The following PCDHGB5 variants were observed in gnomAD, a reference collection of about 807,000 sequenced individuals.
PCDHGB5 encodes the protein protocadherin gamma subfamily B, 5, also known as protocadherin gamma-B5.
A neutral mutation model predicts 62.9 loss-of-function variants in PCDHGB5; 48 were observed. The observed-to-expected ratio is 0.76, with a 90% CI of 0.61 to 0.97. PCDHGB5 has a LOEUF of 0.97. Ranked by LOEUF, PCDHGB5 falls within the 50% of genes least tolerant of loss-of-function variation. PCDHGB5 has a pLI of 0.00. For missense variants in PCDHGB5, 1,118 were observed against 1,198.6 expected, an observed-to-expected ratio of 0.93 and a Z score of 0.99; for synonymous variants, 474 against 511.2, an observed-to-expected ratio of 0.93 and a Z score of 0.98.
chr5:141,491,454 C>G lies in PCDHGB5; in HGVS notation c.2398-3353C>G. ...GCTGCAGGCGCCAGGACTCACCCTCCCCGGACTTCTATAAGCAGTCCAGCC... is the reference window on the plus strand; with the variant it reads ...GCTGCAGGCGCCAGGACTCACCCTCGCCGGACTTCTATAAGCAGTCCAGCC... On this transcript the variant is annotated intron_variant, in intron 1 of 3. Coordinates refer to ENST00000617380, the MANE Select transcript of PCDHGB5 (RefSeq NM_018925.3). This position sits in a 1 kb window ranked among gnomAD's most constrained non-coding sequence, Gnocchi z 6.9. The G allele has an allele frequency of 6.2e-7, 1 of 1,614,120 alleles. No individual in the cohort carries two copies. Among genetic ancestry groups the G allele is most frequent in the Non-Finnish European group, 8.5e-7 (1 of 1,180,032 alleles).
intron 1 of PCDHGB5, among the ~76,000 whole-genome samples, chr5:141,425,058 G>A (rs938128250): frequency 1.3e-5 from 2 of 151,986 alleles, no homozygotes; most frequent in African/African-American, 2.4e-5. Context: ...TCTAGGGCTC[G>A]GACAAAAATA....
rs61612330 is a variant in PCDHGB5, at chr5:141,454,796, A to ATTTTTTTTTTTTTTTTTTTTTTT, written c.2398-40004_2398-39982dup. Among the ~76,000 whole-genome samples, 6 of 77,456 alleles carry ATTTTTTTTTTTTTTTTTTTTTTT rather than the reference A, an allele frequency of 7.7e-5. 1 individual carries two copies. The highest frequency in any genetic ancestry group is 8.0e-4 in the East Asian group (2 of 2,512). 50.8% of individuals were successfully genotyped at this position (77,456 alleles called of 152,430 possible). Reference sequence around the variant, plus strand: ...AAGGAAATAATCCTCCATGGTTCTAATTTTTTTTTTTTTTTTTTTTTTTTT... The same window carrying ATTTTTTTTTTTTTTTTTTTTTTT: ...AAGGAAATAATCCTCCATGGTTCTAATTTTTTTTTTTTTTTTTTTTTTTTTTTTTTTTTTTTTTTTTTTTTTTT... On this transcript the variant is annotated intron_variant, in intron 1 of 3. Transcript: ENST00000617380.
intron 1 of PCDHGB5, chr5:141,413,677 G>T (rs539552615): frequency 6.2e-7 from 1 of 1,613,794 alleles, no homozygotes; most frequent in East Asian, 2.2e-5. Flanking sequence ...GGATGTGGGC[G>T]TGAACTCCCT....
At chr5:141,430,379 T>C (rs1174248880) in intron 1 of PCDHGB5, among the ~76,000 whole-genome samples, 1 of 149,570 alleles carries the variant, frequency 6.7e-6, no homozygotes, top group Non-Finnish European at 1.5e-5. Flanking sequence ...AAAAAGCTCA[T>C]TGGGAAAAAA....
intron 1 of PCDHGB5, chr5:141,404,856 G>C (rs1405688914): frequency 6.2e-7 from 1 of 1,613,890 alleles, no homozygotes; most frequent in Admixed American, 1.7e-5. Flanking sequence ...CTGCTAGATA[G>C]AGATGCGCTC....
intron 1 of PCDHGB5, chr5:141,409,039 C>G: frequency 1.9e-6 from 3 of 1,614,004 alleles, no homozygotes; most frequent in Non-Finnish European, 1.7e-6. Flanking sequence ...AGATAAACTA[C>G]TACTTCCGAA....
At chr5:141,461,740 G>A (rs770518286) in intron 1 of PCDHGB5, among the ~76,000 whole-genome samples, 4 of 152,072 alleles carry the variant, frequency 2.6e-5, no homozygotes, top group Non-Finnish European at 2.9e-5. Context: ...GCACAATCCC[G>A]GCTCCCAGAT....
intron 1 of PCDHGB5, chr5:141,402,791 C>A: frequency 1.0e-6 from 1 of 998,930 alleles, no homozygotes; most frequent in Non-Finnish European, 1.4e-6. Context: ...TCTGCGGCTA[C>A]ACAAAACCCG....
intron 1 of PCDHGB5, chr5:141,422,273 C>T: frequency 6.4e-7 from 1 of 1,560,808 alleles, no homozygotes; most frequent in Non-Finnish European, 8.6e-7. Flanking sequence ...CCAGAAATAA[C>T]TATCACCTCT....
At chr5:141,411,562 C>A (rs569842846) in intron 1 of PCDHGB5, 1 of 152,054 alleles carries the variant, frequency 6.6e-6, no homozygotes, top group Non-Finnish European at 1.5e-5. Context: ...CCAGCCTGGG[C>A]GACAGAGTGC....
intron 1 of PCDHGB5, among the ~76,000 whole-genome samples, chr5:141,436,998 A>T (rs985067199): frequency 6.6e-6 from 1 of 152,242 alleles, no homozygotes; most frequent in African/African-American, 2.4e-5. Context: ...GTTTACTTCA[A>T]TGGGATCTTA....
At chr5:141,425,546 A>G (rs2096882460) in intron 1 of PCDHGB5, among the ~76,000 whole-genome samples, 1 of 152,202 alleles carries the variant, frequency 6.6e-6, no homozygotes, top group African/African-American at 2.4e-5. Flanking sequence ...CTTTTCAGAA[A>G]CCTCTTTTAT....
intron 1 of PCDHGB5, among the ~76,000 whole-genome samples, chr5:141,466,884 T>G (rs901947336): frequency 2.6e-5 from 4 of 152,212 alleles, no homozygotes; most frequent in Admixed American, 1.3e-4. Flanking sequence ...TTTCATAATA[T>G]GCATTTTCCA....
Position 141,409,903 on chromosome 5 carries a change from G to C in PCDHGB5, c.2397+9379G>C, listed in dbSNP as rs570063514. 6.2e-6 allele frequency: 10 copies of C among 1,613,268 alleles called. No individual in the cohort carries two copies. The South Asian group carries it at 9.9e-5, about 16-fold the overall frequency. ...CACCGCGGGTGCTGTACCCAGCTCTGGGTCCTGACGGCTCCGCGTTCTTCG... is the reference window on the plus strand; with the variant it reads ...CACCGCGGGTGCTGTACCCAGCTCTCGGTCCTGACGGCTCCGCGTTCTTCG... On this transcript the variant is annotated intron_variant, in intron 1 of 3. Coordinates refer to ENST00000617380, the MANE Select transcript of PCDHGB5 (RefSeq NM_018925.3).
In PCDHGB5 at chr5:141,487,774, C is replaced by T. The variant is rs1272776899; in HGVS notation, c.2398-7033C>T. 2.0e-6 allele frequency: 3 copies of T among 1,534,064 alleles called. 1 individual carries two copies. The highest frequency in any genetic ancestry group is 2.6e-6 in the Non-Finnish European group (3 of 1,135,588). On this transcript the variant is annotated intron_variant, in intron 1 of 3. Transcript: ENST00000617380. The surrounding 1 kb of genome is among the most constrained non-coding windows in gnomAD (Gnocchi z 5.0). Reference sequence around the variant, plus strand: ...ATGTGGTAGACGCTGTGCTTTGTAACTGTTTCGTGAATTAACCAGAGTTGT... The same window carrying T: ...ATGTGGTAGACGCTGTGCTTTGTAATTGTTTCGTGAATTAACCAGAGTTGT...
chr5:141,510,839 C>T (rs186647886), intron 3 of PCDHGB5, 108 bp from the exon 4 acceptor site: 36 of 1,586,990 alleles, frequency 2.3e-5, no homozygotes, highest in Non-Finnish European at 3.1e-5. Context: ...TCAGCGTGGT[C>T]AAGGCCCAGG....
chr5:141,414,624 G>C, intron 1 of PCDHGB5: 1 of 1,613,932 alleles, frequency 6.2e-7, no homozygotes, highest in Non-Finnish European at 8.5e-7. Context: ...CGCTGGACCC[G>C]GACAGCAAAG....
intron 1 of PCDHGB5, chr5:141,418,346 A>G (rs780933957): frequency 1.7e-5 from 27 of 1,614,022 alleles, no homozygotes; most frequent in South Asian, 2.2e-5. Flanking sequence ...TCCTGATATT[A>G]GTATGAATTC....
intron 1 of PCDHGB5, chr5:141,420,307 A>G (rs2096487660): frequency 1.5e-5 from 22 of 1,459,622 alleles, no homozygotes; most frequent in Non-Finnish European, 1.8e-5. Flanking sequence ...AATCCTTTTT[A>G]TATTACAATA....
Sources: allele counts gnomAD v4.1 joint callset (sites outside exome capture counted in the v4.1 genomes callset), GRCh38; gene constraint gnomAD v4.1.1; non-coding constraint Gnocchi (gnomAD v3.1); transcripts MANE v1.5; gene names NCBI Gene and HGNC (gene_info 2026-07-23, HGNC 2026-07-21).